Variants in PAK2 observed in about 807,000 individuals in gnomAD.
PAK2 encodes p21 (RAC1) activated kinase 2, also known as serine/threonine-protein kinase PAK 2.
PAK2 carries 21 observed loss-of-function variants against 65.9 expected under a neutral mutation model. The ratio of observed to expected loss-of-function variants is 0.32; its 90% CI spans 0.23 to 0.46. PAK2 has a LOEUF of 0.46. Among genes scored for constraint, PAK2 ranks in the 20% least tolerant of loss-of-function variants. The pLI is 1.00. For missense variants in PAK2, 324 were observed against 642.6 expected, an observed-to-expected ratio of 0.50 and a Z score of 5.36; for synonymous variants, 204 against 219.7, an observed-to-expected ratio of 0.93 and a Z score of 0.63.
rs146986809 is a variant in PAK2, at chr3:196,815,406, C to G, written c.1053+838C>G. Among the ~76,000 whole-genome samples the G allele has an allele frequency of 8.0e-5, 12 of 149,426 alleles. No individual in the cohort carries two copies. The Admixed American group carries it at 8.0e-4, about 10-fold the overall frequency. On this transcript the variant is annotated intron_variant, in intron 11 of 14. Coordinates refer to ENST00000327134, the MANE Select transcript of PAK2 (RefSeq NM_002577.4). ...ACTCGCGAGGCTGAGGCGGGAGAAT[C>G]GCTTGAGCTGAGGAGGCAGACATTG...
chr3:196,804,850 C>T (rs968762949), intron 4 of PAK2, among the ~76,000 whole-genome samples: 1 of 150,876 alleles, frequency 6.6e-6, no homozygotes, highest in African/African-American at 2.4e-5. Context: ...TATATACACA[C>T]ACACATATAC....
Position 196,814,466 on chromosome 3 carries a change from T to A in PAK2, c.951T>A (p.Asp317Glu), listed in dbSNP as rs139118165. Reference protein sequence around the residue: ...VNFLDSYLVGDELFVVMEYLA... With the variant: ...VNFLDSYLVGEELFVVMEYLA... ...GTATTTTTAGTTACCTGGTAGGAGATGAATTGTTTGTGGTCATGGAATACC... is the reference window on the plus strand; with the variant it reads ...GTATTTTTAGTTACCTGGTAGGAGAAGAATTGTTTGTGGTCATGGAATACC... Residue 317 changes from aspartate to glutamate, a missense_variant, in exon 11 of 15, where the codon GAT becomes GAA. Transcript: ENST00000327134. 7.2e-7 allele frequency: 1 copy of A among 1,392,936 alleles called. No homozygotes were observed. Among genetic ancestry groups the A allele is most frequent in the South Asian group, 1.2e-5 (1 of 81,976 alleles). The allele number at this position is 1,392,936 out of a possible 1,614,324, so 86.3% of individuals were successfully genotyped here.
In PAK2 at chr3:196,806,480, A is replaced by G. The variant is rs556115486; in HGVS notation, c.469-99A>G. 1.5e-4 allele frequency: 109 copies of G among 717,062 alleles called. No individual in the cohort carries two copies. The African/African-American group carries it at 1.8e-3, about 12-fold the overall frequency. The allele number at this position is 717,062 out of a possible 1,614,324, so 44.4% of individuals were successfully genotyped here. Reference sequence around the variant, plus strand: ...AGATTTAGTGGTTTTGAAATGAGCTATCAAAGAAGCAAACTTTTTGAAGTA... The same window carrying G: ...AGATTTAGTGGTTTTGAAATGAGCTGTCAAAGAAGCAAACTTTTTGAAGTA... On this transcript the variant is annotated intron_variant, in intron 5 of 14. Transcript: ENST00000327134.
intron 2 of PAK2, among the ~76,000 whole-genome samples, chr3:196,790,346 G>T (rs1715028202): frequency 6.6e-6 from 1 of 152,144 alleles, no homozygotes; most frequent in Non-Finnish European, 1.5e-5. Context: ...CTGCCTGCCT[G>T]CTGCTGCTGT....
At chr3:196,752,983 A>G (rs1054317640) in intron 1 of PAK2, among the ~76,000 whole-genome samples, 1 of 147,146 alleles carries the variant, frequency 6.8e-6, no homozygotes, top group African/African-American at 2.5e-5. Flanking sequence ...GAGAAAAAAA[A>G]ATTTTTTTTT....
rs1473814537 is a variant in PAK2, at chr3:196,832,217, C to T, written c.*3812C>T. ...GTTCTCTTAGAACTTAGAAGTGTTT[C>T]TAAGAGAACAGAAGTAATAAGAGAA... On this transcript the variant is annotated 3_prime_UTR_variant, in exon 15 of 15. Transcript: ENST00000327134. 6.6e-6 allele frequency: 1 copy of T among 152,100 alleles called. No individual in the cohort carries two copies. The highest frequency in any genetic ancestry group is 1.5e-5 in the Non-Finnish European group (1 of 68,020). 9.4% of individuals were successfully genotyped at this position (152,100 alleles called of 1,614,324 possible).
At chr3:196,757,219 A>G (rs539613978) in intron 1 of PAK2, among the ~76,000 whole-genome samples, 1 of 152,314 alleles carries the variant, frequency 6.6e-6, no homozygotes, top group South Asian at 2.1e-4. Context: ...GACTCAGGTC[A>G]AAGCAGGTGA....
intron 6 of PAK2, among the ~76,000 whole-genome samples, chr3:196,806,907 C>T (rs1456004275): frequency 6.6e-6 from 1 of 152,136 alleles, no homozygotes; most frequent in Non-Finnish European, 1.5e-5. Flanking sequence ...AACGCACTCA[C>T]CTCACTGGGC....
At chr3:196,801,361 T>C (rs140043636) in intron 2 of PAK2, among the ~76,000 whole-genome samples, 2 of 152,268 alleles carry the variant, frequency 1.3e-5, no homozygotes, top group East Asian at 1.9e-4. Flanking sequence ...AGGCCTGCCG[T>C]TGGTCACTCC....
intron 1 of PAK2, among the ~76,000 whole-genome samples, chr3:196,741,639 C>A (rs942624016): frequency 6.6e-6 from 1 of 152,198 alleles, no homozygotes; most frequent in Non-Finnish European, 1.5e-5. Flanking sequence ...TTTGTGTTTT[C>A]ACTAAGTAGC....
At chr3:196,826,831 A>C (rs1332021242) in intron 13 of PAK2, among the ~76,000 whole-genome samples, 1 of 151,948 alleles carries the variant, frequency 6.6e-6, no homozygotes, top group African/African-American at 2.4e-5. Context: ...TGAGGCAGGA[A>C]AGTCACTTGA....
chr3:196,761,167 T>TTA (rs1713949899), intron 1 of PAK2, among the ~76,000 whole-genome samples: 5 of 123,778 alleles, frequency 4.0e-5, no homozygotes, highest in Admixed American at 7.9e-5. Flanking sequence ...TTTTTTAATT[T>TTA]ATTTTTTTAT....
chr3:196,809,960 T>C (rs1715720263), intron 7 of PAK2, among the ~76,000 whole-genome samples: 1 of 152,082 alleles, frequency 6.6e-6, no homozygotes, highest in Non-Finnish European at 1.5e-5. Context: ...TTCTTGTGAC[T>C]TTGAACTTTC....
At chr3:196,746,002 T>C (rs1170291381) in intron 1 of PAK2, among the ~76,000 whole-genome samples, 3 of 151,994 alleles carry the variant, frequency 2.0e-5, no homozygotes, top group Non-Finnish European at 2.9e-5. Context: ...TTTCTTTTTC[T>C]TTCTTTTTTA....
chr3:196,798,881 G>A (rs1035923335), intron 2 of PAK2, among the ~76,000 whole-genome samples: 2 of 152,124 alleles, frequency 1.3e-5, no homozygotes, highest in Non-Finnish European at 2.9e-5. Flanking sequence ...TGGAATAGAA[G>A]AGAATGCCCT....
chr3:196,821,619 G>T (rs1711655279), intron 13 of PAK2, among the ~76,000 whole-genome samples: 1 of 152,054 alleles, frequency 6.6e-6, no homozygotes, highest in Admixed American at 6.6e-5. Context: ...GGAGGCGGAG[G>T]TTGCAGTGAG....
intron 8 of PAK2, among the ~76,000 whole-genome samples, chr3:196,811,228 C>T (rs1330573933): frequency 1.7e-4 from 2 of 11,664 alleles, no homozygotes; most frequent in Non-Finnish European, 3.0e-4. Flanking sequence ...TCCCTCCCTT[C>T]CCTTCCCTTC....
chr3:196,826,127 C>T (rs1237528312), intron 13 of PAK2, among the ~76,000 whole-genome samples: 1 of 152,168 alleles, frequency 6.6e-6, no homozygotes, highest in East Asian at 1.9e-4. Context: ...GCTAGGATTA[C>T]AGGCATCAGC....
intron 1 of PAK2, among the ~76,000 whole-genome samples, chr3:196,776,102 C>T (rs888415643): frequency 6.6e-6 from 1 of 152,112 alleles, no homozygotes; most frequent in African/African-American, 2.4e-5. Flanking sequence ...ATGTCAAAAC[C>T]TTTTTCCGAA....
Sources: allele counts gnomAD v4.1 joint callset (sites outside exome capture counted in the v4.1 genomes callset), GRCh38; gene constraint gnomAD v4.1.1; transcripts MANE v1.5; gene names NCBI Gene and HGNC (gene_info 2026-07-23, HGNC 2026-07-21).